XIRP2: variants seen among roughly 807,000 people sequenced by gnomAD.
XIRP2 encodes the protein xin actin binding repeat containing 2.
In XIRP2, 236 loss-of-function variants were observed where a neutral mutation model predicts 277.0. The ratio of observed to expected loss-of-function variants is 0.85; its 90% CI spans 0.77 to 0.95. XIRP2 has a LOEUF of 0.95. XIRP2 is among the 40% of genes least tolerant of loss of function. The pLI is 0.00. For synonymous variants in XIRP2, 1,490 were observed against 1,416.5 expected, an observed-to-expected ratio of 1.05 and a Z score of -1.17; for missense variants, 4,640 against 4,157.5, an observed-to-expected ratio of 1.12 and a Z score of -3.19.
Position 166,949,659 on chromosome 2 carries a change from C to G in XIRP2, c.408+45769C>G, listed in dbSNP as rs533740720. Among the ~76,000 whole-genome samples, 12 of 152,156 alleles carry G rather than the reference C, an allele frequency of 7.9e-5. No homozygotes were observed. The South Asian group carries it at 2.5e-3, about 32-fold the overall frequency. ...AATTTATATGCAGTTGTGTTCATGT[C>G]AGACAATCTATCACCAACTGTGATT... On this transcript the variant is annotated intron_variant, in intron 2 of 10. Transcript: ENST00000409195.
intron 3 of XIRP2, among the ~76,000 whole-genome samples, chr2:167,156,880 A>G (rs565345991): frequency 1.3e-5 from 2 of 152,196 alleles, no homozygotes; most frequent in Non-Finnish European, 1.5e-5. Context: ...GGATGAGGAA[A>G]TAGACACTTC....
intron 2 of XIRP2, among the ~76,000 whole-genome samples, chr2:166,942,420 G>T (rs768795143): frequency 4.9e-4 from 74 of 152,062 alleles, no homozygotes; most frequent in Admixed American, 1.3e-3. Flanking sequence ...AAAATACATT[G>T]CCTAATGTTA....
At position 167,247,702 on chromosome 2, in the gene XIRP2, G is replaced by T; in HGVS notation, c.6310G>T (p.Glu2104Ter). Residue 2104 changes from glutamate (E) to a stop codon, truncating the protein, a stop_gained, in exon 9 of 11, where the codon GAG (glutamate) becomes TAG (stop). Coordinates refer to ENST00000409195, the MANE Select transcript of XIRP2 (RefSeq NM_152381.6). LOFTEE classifies it high-confidence loss of function. ...TAAAGAATCAGACAGGGCAGTGAGA[G>T]AGCTGAAGAAGGATGATGTCTTTAA... ...TTKESDRAVR[E>*]LKKDDVFNSI... 1 of 1,613,630 alleles carries T rather than the reference G, an allele frequency of 6.2e-7. No homozygotes were observed. Among genetic ancestry groups the T allele is most frequent in the Non-Finnish European group, 8.5e-7 (1 of 1,179,730 alleles).
At chr2:166,915,491 T>C (rs1427920801) in intron 2 of XIRP2, among the ~76,000 whole-genome samples, 1 of 152,022 alleles carries the variant, frequency 6.6e-6, no homozygotes, top group African/African-American at 2.4e-5. Context: ...AGATGCAGTG[T>C]TTAAGTTAAT....
At chr2:167,210,506 TG>T (rs1274368149) in intron 3 of XIRP2, among the ~76,000 whole-genome samples, 1 of 152,170 alleles carries the variant, frequency 6.6e-6, no homozygotes, top group East Asian at 1.9e-4. Context: ...TTGCAAGAGT[TG>T]GGGGGATAAA....
At chr2:167,013,297 A>C (rs1361126435) in intron 2 of XIRP2, among the ~76,000 whole-genome samples, 1 of 151,460 alleles carries the variant, frequency 6.6e-6, no homozygotes, top group African/African-American at 2.4e-5. Flanking sequence ...TAATGCTTCT[A>C]AAATTATGGT....
At chr2:167,224,210 T>G (rs991946849) in intron 5 of XIRP2, among the ~76,000 whole-genome samples, 2 of 151,950 alleles carry the variant, frequency 1.3e-5, no homozygotes, top group African/African-American at 4.8e-5. Context: ...AGTTCTCACC[T>G]CCCAATACTA....
chr2:167,023,887 C>T (rs1244674657), intron 2 of XIRP2, among the ~76,000 whole-genome samples: 3 of 152,050 alleles, frequency 2.0e-5, no homozygotes, highest in Non-Finnish European at 2.9e-5. Flanking sequence ...AGTCAGGTAG[C>T]GTGATGCCTC....
intron 3 of XIRP2, among the ~76,000 whole-genome samples, chr2:167,203,168 T>C (rs2105380465): frequency 6.6e-6 from 1 of 152,300 alleles, no homozygotes; most frequent in African/African-American, 2.4e-5. Context: ...GGTCGCATAT[T>C]CATAGGTCCT....
chr2:167,143,358 G>C (rs1474307661), intron 3 of XIRP2, among the ~76,000 whole-genome samples: 1 of 151,908 alleles, frequency 6.6e-6, no homozygotes, highest in African/African-American at 2.4e-5. Context: ...TAGAAATGCT[G>C]ATTTTTTAAA....
At chr2:167,095,362 T>C (rs1329721487) in intron 2 of XIRP2, among the ~76,000 whole-genome samples, 1 of 152,062 alleles carries the variant, frequency 6.6e-6, no homozygotes, top group Non-Finnish European at 1.5e-5. Flanking sequence ...TGAATAGGAG[T>C]GGTGAGAGAG....
At chr2:167,097,906 CAG>C (rs1487966982) in intron 2 of XIRP2, among the ~76,000 whole-genome samples, 1 of 152,204 alleles carries the variant, frequency 6.6e-6, no homozygotes, top group Non-Finnish European at 1.5e-5. Context: ...AGCATTTCTG[CAG>C]AGAGATCTGC....
At chr2:167,256,551 G>C (rs1695663162) in intron 10 of XIRP2, among the ~76,000 whole-genome samples, 1 of 151,532 alleles carries the variant, frequency 6.6e-6, no homozygotes. Flanking sequence ...TGAAGTCATA[G>C]GTTAAATTTT....
chr2:167,136,079 G>T lies in XIRP2; in HGVS notation c.562+17G>T. ...TCTTTGAAGGTTAGCATAACATTTTGATATGCTTTCTTGACATCATACCTT... is the reference window on the plus strand; with the variant it reads ...TCTTTGAAGGTTAGCATAACATTTTTATATGCTTTCTTGACATCATACCTT... On this transcript the variant is annotated intron_variant, in intron 3 of 10. Coordinates refer to ENST00000409195, the MANE Select transcript of XIRP2 (RefSeq NM_152381.6). 1 of 1,580,464 alleles carries T rather than the reference G, an allele frequency of 6.3e-7. No homozygotes were observed. The highest frequency in any genetic ancestry group is 8.6e-7 in the Non-Finnish European group (1 of 1,166,700).
intron 3 of XIRP2, among the ~76,000 whole-genome samples, chr2:167,191,594 T>A (rs1693337500): frequency 6.6e-6 from 1 of 152,238 alleles, no homozygotes; most frequent in African/African-American, 2.4e-5. Context: ...GAGACCTGTC[T>A]GCATATTCTG....
intron 5 of XIRP2, among the ~76,000 whole-genome samples, chr2:167,222,829 T>A (rs2105406285): frequency 6.6e-6 from 1 of 152,348 alleles, no homozygotes; most frequent in East Asian, 1.9e-4. Context: ...ACTCTATGGT[T>A]TCTGTGTGGT....
At chr2:167,095,619 T>C (rs1026818683) in intron 2 of XIRP2, among the ~76,000 whole-genome samples, 2 of 152,142 alleles carry the variant, frequency 1.3e-5, no homozygotes, top group Non-Finnish European at 2.9e-5. Flanking sequence ...ATTATGTTTA[T>C]TGATTTGCAT....
intron 2 of XIRP2, among the ~76,000 whole-genome samples, chr2:167,107,556 A>G (rs1690647468): frequency 6.6e-6 from 1 of 151,672 alleles, no homozygotes; most frequent in Admixed American, 6.6e-5. Flanking sequence ...AGTCTTAATC[A>G]GTTATAGTAT....
chr2:167,250,618 A>T lies in XIRP2; in HGVS notation c.9226A>T (p.Lys3076Ter). ...TGAACAGAAAGAAAATAAAATTGCC[A>T]AAGAGAAAACAGTACAGCACCAAGT... ...NSEQKENKIA[K>*]EKTVQHQVAA... Residue 3076 changes from lysine (K) to a stop codon, truncating the protein, a stop_gained, in exon 9 of 11, where the codon AAA becomes TAA. Transcript: ENST00000409195. LOFTEE classifies it high-confidence loss of function. 1 of 1,613,400 alleles carries T rather than the reference A, an allele frequency of 6.2e-7. No homozygotes were observed. Among genetic ancestry groups the T allele is most frequent in the Non-Finnish European group, 8.5e-7 (1 of 1,179,704 alleles).
Sources: gnomAD v4.1 joint callset for allele counts (sites outside exome capture counted in the v4.1 genomes callset) on GRCh38, gnomAD v4.1.1 for gene constraint, MANE v1.5 for transcripts, NCBI Gene and HGNC (gene_info 2026-07-23, HGNC 2026-07-21) for gene names.